Variants in RARB observed in about 807,000 individuals in gnomAD.
RARB encodes HBV-activated protein.
RARB carries 17 observed loss-of-function variants against 51.9 expected under a neutral mutation model. That is an observed-to-expected ratio of 0.33 (90% CI 0.22 to 0.49). The LOEUF is 0.49. RARB is among the 20% of genes least tolerant of loss of function. The pLI, the probability that RARB is intolerant of heterozygous loss-of-function variation, is 0.99. For synonymous variants in RARB, 215 were observed against 195.4 expected (o/e 1.10, Z -0.84); for missense variants, 369 against 550.8 (o/e 0.67, Z 3.30).
intron 2 of RARB, among the ~76,000 whole-genome samples, chr3:24,862,099 G>A (rs1255119049): frequency 6.6e-6 from 1 of 152,160 alleles, no homozygotes; most frequent in African/African-American, 2.4e-5. Context: ...GTACCTATGT[G>A]TGAGACACAC....
At chr3:25,473,558 C>T (rs1695804634) in intron 2 of RARB, among the ~76,000 whole-genome samples, 1 of 152,106 alleles carries the variant, frequency 6.6e-6, no homozygotes, top group African/African-American at 2.4e-5. Context: ...ATTTCAAAAG[C>T]AGCAAAATGC....
chr3:25,547,612 C>A (rs111657137), intron 3 of RARB, among the ~76,000 whole-genome samples: 10 of 152,204 alleles, frequency 6.6e-5, no homozygotes, highest in Non-Finnish European at 1.5e-4. Flanking sequence ...CATAAGTCAT[C>A]CTTCTCACCC....
chr3:25,456,210 G>A (rs186168940), intron 1 of RARB, among the ~76,000 whole-genome samples: 297 of 152,316 alleles, frequency 1.9e-3, no homozygotes, highest in Middle Eastern at 0.01. Flanking sequence ...GGGACTAATA[G>A]ATTATTGATT....
chr3:25,034,887 A>G (rs1472676303), intron 2 of RARB, among the ~76,000 whole-genome samples: 1 of 152,238 alleles, frequency 6.6e-6, no homozygotes, highest in Non-Finnish European at 1.5e-5. Flanking sequence ...TGGCAACTGC[A>G]GCTGGAGCTC....
At chr3:25,594,375 A>T in intron 6 of RARB, 145 bp from the exon 7 acceptor site, 1 of 841,154 alleles carries the variant, frequency 1.2e-6, no homozygotes, top group Non-Finnish European at 1.7e-6. Context: ...ATCACTGCTT[A>T]AAGCAACTGC....
intron 5 of RARB, among the ~76,000 whole-genome samples, chr3:25,291,959 A>G (rs998689766): frequency 3.3e-5 from 5 of 152,136 alleles, no homozygotes; most frequent in Non-Finnish European, 5.9e-5. Context: ...ATGGGGATTG[A>G]CAGAACCACT....
chr3:24,890,825 T>C (rs1703363156), intron 2 of RARB, among the ~76,000 whole-genome samples: 3 of 152,080 alleles, frequency 2.0e-5, no homozygotes, highest in South Asian at 2.1e-4. Context: ...TTGCATGATA[T>C]GTGAATGAGG....
chr3:25,528,117 T>A (rs534483442), intron 3 of RARB, among the ~76,000 whole-genome samples: 1 of 152,236 alleles, frequency 6.6e-6, no homozygotes, highest in South Asian at 2.1e-4. Context: ...GGCTGGTGGA[T>A]GTTGAGGAAG....
intron 5 of RARB, among the ~76,000 whole-genome samples, chr3:25,413,396 T>A (rs1249200605): frequency 1.3e-5 from 2 of 152,208 alleles, no homozygotes; most frequent in Non-Finnish European, 2.9e-5. Flanking sequence ...TGGGTAGTTT[T>A]CTCCTTGGGG....
intron 4 of RARB, among the ~76,000 whole-genome samples, chr3:25,138,642 G>T (rs1451147606): frequency 6.6e-6 from 1 of 152,218 alleles, no homozygotes; most frequent in Non-Finnish European, 1.5e-5. Flanking sequence ...GTTTATTACA[G>T]TTATCAGTTA....
intron 5 of RARB, among the ~76,000 whole-genome samples, chr3:25,177,515 G>C (rs926790113): frequency 2.0e-5 from 3 of 152,176 alleles, no homozygotes; most frequent in Admixed American, 1.3e-4. Flanking sequence ...TACATGTCTT[G>C]ATTCTGCAGC....
At chr3:24,938,771 A>G (rs777339088) in intron 2 of RARB, among the ~76,000 whole-genome samples, 2 of 152,092 alleles carry the variant, frequency 1.3e-5, no homozygotes, top group Non-Finnish European at 2.9e-5. Flanking sequence ...CTTTGTCTCT[A>G]TGAATTTGCC....
chr3:24,890,758 G>A (rs184845373), intron 2 of RARB, among the ~76,000 whole-genome samples: 20 of 152,200 alleles, frequency 1.3e-4, no homozygotes, highest in Non-Finnish European at 1.8e-4. Context: ...TCTCTGTTCT[G>A]TTCTTTCCTG....
chr3:25,587,660 C>T (rs898271253), intron 5 of RARB, among the ~76,000 whole-genome samples: 3 of 152,176 alleles, frequency 2.0e-5, no homozygotes, highest in African/African-American at 4.8e-5. Context: ...TTGGGGAAAA[C>T]ATTTTGTTCC....
At chr3:24,966,255 G>C (rs911975477) in intron 2 of RARB, among the ~76,000 whole-genome samples, 1 of 152,132 alleles carries the variant, frequency 6.6e-6, no homozygotes, top group African/African-American at 2.4e-5. Context: ...GGAGGTGAAA[G>C]AGACTGTTAG....
chr3:25,346,911 C>T (rs1476721447), intron 5 of RARB, among the ~76,000 whole-genome samples: 1 of 152,188 alleles, frequency 6.6e-6, no homozygotes, highest in Non-Finnish European at 1.5e-5. Context: ...ATTAGGTCTG[C>T]CCTCATAGGC....
At chr3:25,467,904 C>G (rs1050499596) in intron 2 of RARB, among the ~76,000 whole-genome samples, 4 of 152,008 alleles carry the variant, frequency 2.6e-5, no homozygotes, top group African/African-American at 9.7e-5. Context: ...GTGTCTCACA[C>G]AAGGGACAGA....
chr3:25,319,887 A>G (rs558189840), intron 5 of RARB, among the ~76,000 whole-genome samples: 3 of 152,326 alleles, frequency 2.0e-5, no homozygotes, highest in African/African-American at 7.2e-5. Flanking sequence ...GATCTAGCCT[A>G]GAACTATTCA....
intron 5 of RARB, among the ~76,000 whole-genome samples, chr3:25,422,450 G>A (rs1707886818): frequency 6.6e-6 from 1 of 152,150 alleles, no homozygotes; most frequent in Admixed American, 6.5e-5. Flanking sequence ...ATTCTCAGGA[G>A]TCACCATTAC....
Sources: allele counts gnomAD v4.1 joint callset (sites outside exome capture counted in the v4.1 genomes callset), GRCh38; gene constraint gnomAD v4.1.1; transcripts MANE v1.5; gene names NCBI Gene and HGNC (gene_info 2026-07-23, HGNC 2026-07-21).